The following KNSTRN variants were observed in gnomAD, a reference collection of about 807,000 sequenced individuals.
KNSTRN encodes the protein small kinetochore-associated protein.
Under a neutral mutation model 44.7 loss-of-function variants are expected in KNSTRN, and 38 were observed. The ratio of observed to expected loss-of-function variants is 0.85; its 90% CI spans 0.66 to 1.11. KNSTRN has a LOEUF of 1.11. Among genes scored for constraint, KNSTRN ranks in the 50% most tolerant of loss-of-function variants. The probability of loss-of-function intolerance (pLI) is 0.00; values close to 1 mark genes in which losing one functional copy is unlikely to be tolerated. For synonymous variants in KNSTRN, 158 were observed against 148.1 expected (o/e 1.07, Z -0.48); for missense variants, 406 against 375.8 (o/e 1.08, Z -0.66).
chr15:40,386,798 G>GT (rs1889910702), intron 3 of KNSTRN: 1 of 503,156 alleles, frequency 2.0e-6, no homozygotes, highest in Non-Finnish European at 3.6e-6. Flanking sequence ...GTGGGGACTA[G>GT]TTGTTATCCT....
At chr15:40,386,629 A>T in intron 3 of KNSTRN, 135 bp downstream of exon 3, 1 of 801,116 alleles carries the variant, frequency 1.2e-6, no homozygotes, top group Non-Finnish European at 2.0e-6. Context: ...AGAGCAGTGC[A>T]GCATTGCTGA....
rs1194398709 is a variant in KNSTRN, at chr15:40,383,005, A to T, written c.170A>T (p.Glu57Val). ...TTVAAGNLLN[E>V]SEKDCGQDRR... The stretch of plus-strand genomic sequence containing the variant: ...GTTGCTGCAGGGAATCTTTTAAACG[A>T]GAGCGAGAAGGACTGCGGGCAGGAC... Residue 57 changes from glutamate (E) to valine (V), a missense_variant, in exon 1 of 9, where the codon GAG (glutamate) becomes GTG (valine). Coordinates refer to ENST00000249776, the MANE Select transcript of KNSTRN (RefSeq NM_033286.4). 3 of 1,611,794 alleles carry T rather than the reference A, an allele frequency of 1.9e-6. No homozygotes were observed. The highest frequency in any genetic ancestry group is 2.5e-6 in the Non-Finnish European group (3 of 1,180,042).
At chr15:40,383,377 G>T in intron 2 of KNSTRN, 55 bp downstream of exon 2, 1 of 1,401,984 alleles carries the variant, frequency 7.1e-7, no homozygotes, top group South Asian at 1.2e-5. Context: ...ATGGTCTCGG[G>T]AGTGTGGAGA....
chr15:40,393,397 G>A, intron 8 of KNSTRN, 72 bp from the exon 9 acceptor site: 1 of 1,594,978 alleles, frequency 6.3e-7, no homozygotes, highest in Non-Finnish European at 8.5e-7. Context: ...GTTCTGATGT[G>A]GGAATTGTGT....
chr15:40,393,056 G>T lies in KNSTRN; in HGVS notation c.823-413G>T, dbSNP rs972123739. 3 of 739,698 alleles carry T rather than the reference G, an allele frequency of 4.1e-6. No homozygotes were observed. The South Asian group carries it at 6.3e-5, about 15-fold the overall frequency. 45.8% of individuals were successfully genotyped at this position (739,698 alleles called of 1,614,324 possible). Reference sequence around the variant, plus strand: ...TCTTGCAAATGTTCACATCACCAAGGCATGAGGCAATGTGTAACACAGTAG... The same window carrying T: ...TCTTGCAAATGTTCACATCACCAAGTCATGAGGCAATGTGTAACACAGTAG... On this transcript the variant is annotated intron_variant, in intron 8 of 8. Transcript: ENST00000249776.
intron 5 of KNSTRN, 26 bp from the exon 6 acceptor site, chr15:40,389,810 G>C: frequency 6.2e-7 from 1 of 1,605,924 alleles, no homozygotes; most frequent in Non-Finnish European, 8.5e-7. Context: ...GACAATTCCT[G>C]ATCTGTCTGT....
At chr15:40,389,473 T>C in intron 4 of KNSTRN, 33 bp from the exon 5 acceptor site, 2 of 1,548,498 alleles carry the variant, frequency 1.3e-6, no homozygotes, top group Non-Finnish European at 1.8e-6. Flanking sequence ...TTAACCCTTT[T>C]ATCTTTTCAT....
chr15:40,385,602 A>G (rs974791407), intron 2 of KNSTRN, among the ~76,000 whole-genome samples: 2 of 152,206 alleles, frequency 1.3e-5, no homozygotes, highest in African/African-American at 4.8e-5. Context: ...TGGGGACACA[A>G]AGATGCCTTA....
At chr15:40,391,804 C>A in intron 7 of KNSTRN, 145 bp from the exon 8 acceptor site, 1 of 707,718 alleles carries the variant, frequency 1.4e-6, no homozygotes, top group Non-Finnish European at 2.4e-6. Flanking sequence ...GTAGAGAGAG[C>A]TTTCTCGTTC....
Position 40,382,945 on chromosome 15 carries a change from A to T in KNSTRN, c.110A>T (p.Glu37Val). The change falls in exon 1 of 9, where the codon GAA becomes GTA. Residue 37 changes from glutamate (E) to valine (V), a missense_variant. Coordinates refer to ENST00000249776, the MANE Select transcript of KNSTRN (RefSeq NM_033286.4). ...CCTAGCTACCGGAAGTTTCTATTTG[A>T]AACCCAGGCGGCCGACTTAGCCGGT... Reference protein sequence around the residue: ...LPPSYRKFLFETQAADLAGGT... With the variant: ...LPPSYRKFLFVTQAADLAGGT... 6.2e-7 allele frequency: 1 copy of T among 1,612,272 alleles called. No homozygotes were observed.
chr15:40,393,240 A>C, intron 8 of KNSTRN: 1 of 1,613,944 alleles, frequency 6.2e-7, no homozygotes. Flanking sequence ...AGAGGATTTC[A>C]TCGTTCCAGT....
chr15:40,387,311 T>A, intron 4 of KNSTRN, 105 bp downstream of exon 4: 7 of 972,624 alleles, frequency 7.2e-6, no homozygotes, highest in Non-Finnish European at 1.1e-5. Flanking sequence ...TGTGTTAGGG[T>A]CTGGGTTCCA....
At position 40,382,940 on chromosome 15, in the gene KNSTRN, A is replaced by C; in HGVS notation, c.105A>C (p.Leu35=). Residue 35 remains leucine, a synonymous_variant, in exon 1 of 9, where the codon CTA becomes CTC. Transcript: ENST00000249776. ...HPLPPSYRKF[L]FETQAADLAG... is the part of the protein sequence containing the mutation. Reference sequence around the variant, plus strand: ...TTCCGCCTAGCTACCGGAAGTTTCTATTTGAAACCCAGGCGGCCGACTTAG... The same window carrying C: ...TTCCGCCTAGCTACCGGAAGTTTCTCTTTGAAACCCAGGCGGCCGACTTAG... 6.2e-7 allele frequency: 1 copy of C among 1,612,282 alleles called. No homozygotes were observed. Among genetic ancestry groups the C allele is most frequent in the Non-Finnish European group, 8.5e-7 (1 of 1,180,018 alleles).
chr15:40,384,327 T>C (rs1889866926), intron 2 of KNSTRN: 4 of 355,478 alleles, frequency 1.1e-5, no homozygotes, highest in Admixed American at 1.0e-4. Flanking sequence ...TGAGCCGATA[T>C]TGCGCCACTG....
Position 40,383,022 on chromosome 15 carries a change from G to T in KNSTRN, c.187G>T (p.Gly63Trp). The change falls in exon 1 of 9, where the codon GGG becomes TGG. Residue 63 changes from glycine (G) to tryptophan (W), a missense_variant. Transcript: ENST00000249776. Reference sequence around the variant, plus strand: ...TTTAAACGAGAGCGAGAAGGACTGCGGGCAGGACCGGCGGGCTCCTGGGTT... The same window carrying T: ...TTTAAACGAGAGCGAGAAGGACTGCTGGCAGGACCGGCGGGCTCCTGGGTT... ...NLLNESEKDC[G>W]QDRRAPGVQP... 1 of 1,611,250 alleles carries T rather than the reference G, an allele frequency of 6.2e-7. No individual in the cohort carries two copies. Among genetic ancestry groups the T allele is most frequent in the Non-Finnish European group, 8.5e-7 (1 of 1,180,020 alleles).
rs929979632 is a variant in KNSTRN at position 40,394,196 on chromosome 15, ATTAC to A, written c.*602_*605del. On this transcript the variant is annotated 3_prime_UTR_variant, in exon 9 of 9. Transcript: ENST00000249776. ...ATACACCTTGGATCTTTTAATCTAA[ATTAC>A]TTTTCTTTTTTAAGTCTACTTTTAA... 4 of 152,198 alleles carry A rather than the reference ATTAC, an allele frequency of 2.6e-5. No individual in the cohort carries two copies. Among genetic ancestry groups the A allele is most frequent in the Admixed American group, 6.5e-5 (1 of 15,276 alleles). 9.4% of individuals were successfully genotyped at this position (152,198 alleles called of 1,614,324 possible). A position where few individuals can be genotyped will look rare whatever the true frequency, so the allele number is the denominator to read the frequency against.
chr15:40,383,521 C>G, intron 2 of KNSTRN, 199 bp downstream of exon 2: 1 of 564,464 alleles, frequency 1.8e-6, no homozygotes. Flanking sequence ...TAGACGTGCT[C>G]TGCACTTTTC....
At chr15:40,389,382 C>G (rs1054218202) in intron 4 of KNSTRN, 124 bp from the exon 5 acceptor site, 8 of 668,944 alleles carry the variant, frequency 1.2e-5, no homozygotes, top group South Asian at 1.0e-4. Context: ...ATTTCCCGAC[C>G]TCAGGTGATC....
chr15:40,389,308 C>T, intron 4 of KNSTRN, 198 bp from the exon 5 acceptor site: 1 of 526,538 alleles, frequency 1.9e-6, no homozygotes, highest in South Asian at 1.9e-5. Context: ...GCCACCACGC[C>T]TGACTAATCT....
Sources: allele counts gnomAD v4.1 joint callset (sites outside exome capture counted in the v4.1 genomes callset), GRCh38; gene constraint gnomAD v4.1.1; transcripts MANE v1.5; gene names NCBI Gene and HGNC (gene_info 2026-07-23, HGNC 2026-07-21).